The following OR1L8 variants were observed in gnomAD, a reference collection of about 807,000 sequenced individuals.
OR1L8 encodes the protein olfactory receptor family 1 subfamily L member 8, also known as olfactory receptor 1L8.
For synonymous variants in OR1L8, 148 were observed against 147.0 expected, an observed-to-expected ratio of 1.01 and a Z score of -0.05; for missense variants, 330 against 377.4, an observed-to-expected ratio of 0.87 and a Z score of 1.04.
intron 4 of OR1L8, among the ~76,000 whole-genome samples, chr9:122,572,165 T>G (rs1285491894): frequency 1.3e-5 from 2 of 152,186 alleles, no homozygotes; most frequent in African/African-American, 4.8e-5. Context: ...GTGACAGTGC[T>G]AAACCATTCA....
chr9:122,565,099 G>A (rs1829407770), downstream of OR1L8, among the ~76,000 whole-genome samples: 2 of 152,170 alleles, frequency 1.3e-5, no homozygotes, highest in South Asian at 2.1e-4. Context: ...GCCCTTTTAA[G>A]GTGAAGGATA....
the OR1L8 span, among the ~76,000 whole-genome samples, chr9:122,552,746 T>TTGAG: frequency 1.6e-4 from 14 of 89,840 alleles, no homozygotes; most frequent in African/African-American, 5.3e-4. Context: ...CAAAGAGGGC[T>TTGAG]TGAGTGTGTG....
the OR1L8 span, chr9:122,553,812 A>C: frequency 6.8e-6 from 11 of 1,613,904 alleles, no homozygotes; most frequent in South Asian, 9.9e-5. Flanking sequence ...AAACGAGCTG[A>C]TGATCATCAC....
the OR1L8 span, among the ~76,000 whole-genome samples, chr9:122,548,535 T>C: frequency 0.037 from 5,625 of 152,096 alleles, 341 homozygotes; most frequent in African/African-American, 0.13. Flanking sequence ...GATGGTTATA[T>C]GTTTTCTTTT....
At chr9:122,559,585 C>A in the OR1L8 span, among the ~76,000 whole-genome samples, 1 of 152,158 alleles carries the variant, frequency 6.6e-6, no homozygotes, top group Non-Finnish European at 1.5e-5. Flanking sequence ...ATTATTTACC[C>A]AGTAGTCATT....
At chr9:122,564,815 C>CAGT (rs1829403721), downstream of OR1L8, among the ~76,000 whole-genome samples, 1 of 152,230 alleles carries the variant, frequency 6.6e-6, no homozygotes, top group African/African-American at 2.4e-5. Context: ...GCAGGGCCAG[C>CAGT]AGTACACCTT....
the OR1L8 span, among the ~76,000 whole-genome samples, chr9:122,561,135 G>C: frequency 6.6e-6 from 1 of 152,212 alleles, no homozygotes; most frequent in African/African-American, 2.4e-5. Flanking sequence ...TGATACTTGC[G>C]TATGCTTCAT....
intron 1 of OR1L8, among the ~76,000 whole-genome samples, chr9:122,579,750 G>T (rs1472966957): frequency 6.6e-6 from 1 of 152,104 alleles, no homozygotes; most frequent in African/African-American, 2.4e-5. Context: ...CAAGATTTGT[G>T]TAGGGAAGAA....
At position 122,568,049 on chromosome 9, in the gene OR1L8, GAC is replaced by G. The variant is rs1442518408; in HGVS notation, c.427_428del (p.Val143ProfsTer28). The G allele has an allele frequency of 6.2e-7, 1 of 1,613,788 alleles. No individual in the cohort carries two copies. Among genetic ancestry groups the G allele is most frequent in the Non-Finnish European group, 8.5e-7 (1 of 1,179,852 alleles). On this transcript the variant is annotated frameshift_variant, in exon 5 of 5. Coordinates refer to ENST00000641027, the MANE Select transcript of OR1L8 (RefSeq NM_001004454.2). LOFTEE classifies it low-confidence loss of function (END_TRUNC). ...YVTTMSHHHC[V>X]LLVAFSCSFP... ...ATGAGCAGGAGAAGGCCACCAGCAG[GAC>G]ACAGTGGTGGTGGCTCATGGTGGTG... is the stretch of plus-strand genomic sequence containing the variant.
At chr9:122,550,154 G>T in the OR1L8 span, among the ~76,000 whole-genome samples, 1 of 152,058 alleles carries the variant, frequency 6.6e-6, no homozygotes, top group African/African-American at 2.4e-5. Flanking sequence ...AAAACCTTGA[G>T]GAAATGGATA....
chr9:122,578,361 A>G lies in OR1L8; in HGVS notation c.-515T>C, dbSNP rs142617456. 2.7e-3 allele frequency: 408 copies of G among 152,076 alleles called. 1 individual carries two copies. The highest frequency in any genetic ancestry group is 4.4e-3 in the Non-Finnish European group (301 of 68,054). 9.4% of individuals were successfully genotyped at this position (152,076 alleles called of 1,614,324 possible). A position where few individuals can be genotyped will look rare whatever the true frequency, so the allele number is the denominator to read the frequency against. The stretch of plus-strand genomic sequence containing the variant: ...ATACTCGGGAGGCTGAGGCAGGAGA[A>G]TAGCTTGAACCTGGGAGGCGGAGAT... On this transcript the variant is annotated 5_prime_UTR_variant, in exon 2 of 5. Transcript: ENST00000641027.
intron 3 of OR1L8, 76 bp from the exon 4 acceptor site, chr9:122,572,984 C>T (rs537975656): frequency 6.6e-6 from 1 of 152,260 alleles, no homozygotes; most frequent in Non-Finnish European, 1.5e-5. Context: ...CCTTAACTCC[C>T]TGTTTCCTTC....
rs1258648429 is a variant in OR1L8 at position 122,568,128 on chromosome 9, G to A, written c.350C>T (p.Ala117Val). ...CACATAGCGGTCAAAGGCCATGACTGCCAGAAGGCAGCTGTCACTGTTGCC... is the reference window on the plus strand; with the variant it reads ...CACATAGCGGTCAAAGGCCATGACTACCAGAAGGCAGCTGTCACTGTTGCC... ...ALGNSDSCLL[A>V]VMAFDRYVAV... Residue 117 changes from alanine (A) to valine (V), a missense_variant, in exon 5 of 5, where the codon GCA (alanine) becomes GTA (valine). Physicochemically the swap from Ala to Val is moderately conservative, Grantham distance 64 (BLOSUM62 0). Coordinates refer to ENST00000641027, the MANE Select transcript of OR1L8 (RefSeq NM_001004454.2). 2 of 1,613,958 alleles carry A rather than the reference G, an allele frequency of 1.2e-6. No individual in the cohort carries two copies. The highest frequency in any genetic ancestry group is 3.3e-5 in the Admixed American group (2 of 59,994).
the OR1L8 span, chr9:122,553,030 G>C: frequency 1.5e-6 from 1 of 682,452 alleles, no homozygotes; most frequent in Non-Finnish European, 2.6e-6. Context: ...ATGTCTCTTG[G>C]GTATTTCCTT....
chr9:122,568,090 G>C lies in OR1L8; in HGVS notation c.388C>G (p.Pro130Ala). The C allele has an allele frequency of 1.2e-6, 2 of 1,614,042 alleles. No homozygotes were observed. The highest frequency in any genetic ancestry group is 1.7e-6 in the Non-Finnish European group (2 of 1,179,982). The change falls in exon 5 of 5, where the codon CCT (proline) becomes GCT (alanine). Residue 130 changes from proline to alanine, a missense_variant. Physicochemically the swap from Pro to Ala is conservative, Grantham distance 27. Coordinates refer to ENST00000641027, the MANE Select transcript of OR1L8 (RefSeq NM_001004454.2). ...CTCATGGTGGTGACATAGTGGAAAG[G>C]GTCACAGACGGCCACATAGCGGTCA... ...AFDRYVAVCD[P>A]FHYVTTMSHH...
intron 4 of OR1L8, among the ~76,000 whole-genome samples, chr9:122,569,416 T>C (rs1743528876): frequency 1.1e-5 from 1 of 91,480 alleles, no homozygotes; most frequent in South Asian, 4.0e-4. Context: ...GATATCAAAG[T>C]GGCTTCCATT....
chr9:122,581,940 T>C (rs933159740), intron 1 of OR1L8, among the ~76,000 whole-genome samples: 2 of 152,032 alleles, frequency 1.3e-5, no homozygotes, highest in African/African-American at 4.8e-5. Flanking sequence ...AATGAATAAA[T>C]AAGTAAATAA....
intron 1 of OR1L8, among the ~76,000 whole-genome samples, chr9:122,580,201 CAGT>C (rs1564204421): frequency 6.6e-6 from 1 of 152,084 alleles, no homozygotes; most frequent in Non-Finnish European, 1.5e-5. Flanking sequence ...ATATTTCTGA[CAGT>C]AGAAAAAGCA....
At chr9:122,573,183 C>T (rs1382644646) in intron 3 of OR1L8, among the ~76,000 whole-genome samples, 3 of 152,184 alleles carry the variant, frequency 2.0e-5, no homozygotes, top group Admixed American at 2.0e-4. Flanking sequence ...GTGCTGACCC[C>T]TCAGGGGAGT....
Sources: gnomAD v4.1 joint callset for allele counts (sites outside exome capture counted in the v4.1 genomes callset) on GRCh38, gnomAD v4.1.1 for gene constraint, MANE v1.5 for transcripts, NCBI Gene and HGNC (gene_info 2026-07-23, HGNC 2026-07-21) for gene names.